The following BARD1 variants were observed in gnomAD, a reference collection of about 807,000 sequenced individuals.
BARD1 encodes the protein BRCA1 associated RING domain 1.
BARD1 carries 73 observed loss-of-function variants against 77.0 expected under a neutral mutation model. The observed-to-expected ratio is 0.95, with a 90% confidence interval of 0.79 to 1.15. The LOEUF (loss-of-function observed/expected upper bound fraction) is 1.15. BARD1 is among the 50% of genes most tolerant of loss of function. BARD1 has a pLI of 0.00. For missense variants in BARD1, 993 were observed against 938.8 expected (o/e 1.06, Z -0.75); for synonymous variants, 384 against 338.0 (o/e 1.14, Z -1.49).
At chr2:214,762,597 T>G (rs1694013849) in intron 6 of BARD1, among the ~76,000 whole-genome samples, 1 of 152,176 alleles carries the variant, frequency 6.6e-6, no homozygotes, top group Non-Finnish European at 1.5e-5. Flanking sequence ...CAAATCACTC[T>G]AACTTTTAAA....
At position 214,775,434 on chromosome 2, in the gene BARD1, A is replaced by T. The variant is rs143444060; in HGVS notation, c.1314+5126T>A. On this transcript the variant is annotated intron_variant, in intron 4 of 10. Coordinates refer to ENST00000260947, the MANE Select transcript of BARD1 (RefSeq NM_000465.4). Reference sequence around the variant, plus strand: ...AAGACATTTATCAATTAAGTTTGCCATGTTACATGGCCAGGGTTTGTGGTG... The same window carrying T: ...AAGACATTTATCAATTAAGTTTGCCTTGTTACATGGCCAGGGTTTGTGGTG... Among the ~76,000 whole-genome samples, 10 of 152,320 alleles carry T rather than the reference A, an allele frequency of 6.6e-5. No homozygotes were observed. The East Asian group carries it at 1.7e-3, about 26-fold the overall frequency.
intron 6 of BARD1, among the ~76,000 whole-genome samples, chr2:214,755,490 T>G (rs926368364): frequency 6.6e-6 from 1 of 152,190 alleles, no homozygotes; most frequent in African/African-American, 2.4e-5. Context: ...ATAATCCTAC[T>G]GAGGATAAAC....
At chr2:214,770,843 T>C (rs1694450438) in intron 4 of BARD1, among the ~76,000 whole-genome samples, 1 of 152,202 alleles carries the variant, frequency 6.6e-6, no homozygotes, top group Non-Finnish European at 1.5e-5. Flanking sequence ...CTTTTTTATT[T>C]TCCTAGAAGT....
chr2:214,773,274 T>C (rs1694592444), intron 4 of BARD1, among the ~76,000 whole-genome samples: 2 of 152,154 alleles, frequency 1.3e-5, no homozygotes, highest in African/African-American at 4.8e-5. Context: ...ATACAGAACG[T>C]TACAATTAAG....
intron 6 of BARD1, among the ~76,000 whole-genome samples, chr2:214,759,069 G>T (rs1693829234): frequency 6.6e-6 from 1 of 152,122 alleles, no homozygotes; most frequent in African/African-American, 2.4e-5. Flanking sequence ...GCTTGCTATG[G>T]AGCAGGATAA....
Position 214,727,413 on chromosome 2 carries a change from T to A in BARD1, c.*1263A>T. ...AACCAAACTGGCAAGTCTCTCAGTGTCTCCTTCCCCAAGTCTTTAATTTTA... is the reference window on the plus strand; with the variant it reads ...AACCAAACTGGCAAGTCTCTCAGTGACTCCTTCCCCAAGTCTTTAATTTTA... On this transcript the variant is annotated 3_prime_UTR_variant, in exon 11 of 11. Coordinates refer to ENST00000260947, the MANE Select transcript of BARD1 (RefSeq NM_000465.4). 4.3e-6 allele frequency: 1 copy of A among 232,122 alleles called. No homozygotes were observed. Among genetic ancestry groups the A allele is most frequent in the East Asian group, 6.1e-5 (1 of 16,384 alleles). 14.4% of individuals were successfully genotyped at this position (232,122 alleles called of 1,614,324 possible).
intron 2 of BARD1, chr2:214,796,713 G>GT: frequency 3.6e-6 from 1 of 277,348 alleles, no homozygotes; most frequent in Non-Finnish European, 6.9e-6. Flanking sequence ...TATAATAACT[G>GT]TAAGACCTAT....
At chr2:214,768,472 T>C (rs1694319810) in intron 5 of BARD1, among the ~76,000 whole-genome samples, 1 of 152,180 alleles carries the variant, frequency 6.6e-6, no homozygotes, top group Admixed American at 6.5e-5. Context: ...TTGAAAAGGT[T>C]AGCCAGCCAG....
At chr2:214,807,803 C>T (rs16852804) in intron 1 of BARD1, among the ~76,000 whole-genome samples, 11,519 of 152,238 alleles carry the variant, frequency 0.076, 515 homozygotes, top group African/African-American at 0.12. Context: ...GCATTCTGAC[C>T]ACAGTCTAAG....
rs1057523017 is a variant in BARD1, at chr2:214,792,279, G to A, written c.364+18C>T. On this transcript the variant is annotated intron_variant, in intron 3 of 10. Coordinates refer to ENST00000260947, the MANE Select transcript of BARD1 (RefSeq NM_000465.4). ...TTAACTGATGAATTTAACTAAGAGA[G>A]ATAGGGATAGTTCTTACCTGACAGC... is the stretch of plus-strand genomic sequence containing the variant. 1.2e-6 allele frequency: 2 copies of A among 1,611,778 alleles called. No individual in the cohort carries two copies. The highest frequency in any genetic ancestry group is 1.7e-4 in the Middle Eastern group (1 of 6,042).
chr2:214,801,846 T>TGGC (rs1553626665), intron 1 of BARD1, among the ~76,000 whole-genome samples: 24 of 14,536 alleles, frequency 1.7e-3, no homozygotes, highest in African/African-American at 3.4e-3. Flanking sequence ...ACCAAATATT[T>TGGC]GGCGGGGGGG....
intron 2 of BARD1, among the ~76,000 whole-genome samples, chr2:214,795,912 C>A (rs1024519735): frequency 2.6e-5 from 4 of 152,128 alleles, no homozygotes; most frequent in Non-Finnish European, 5.9e-5. Context: ...CTCCTACCCC[C>A]CATCCTCCTG....
intron 9 of BARD1, among the ~76,000 whole-genome samples, chr2:214,743,977 T>C (rs1692975505): frequency 6.6e-6 from 1 of 152,184 alleles, no homozygotes; most frequent in Non-Finnish European, 1.5e-5. Flanking sequence ...ATTCCTCCTC[T>C]GTAACCACTA....
chr2:214,779,363 T>G (rs1300265882), intron 4 of BARD1, among the ~76,000 whole-genome samples: 1 of 152,222 alleles, frequency 6.6e-6, no homozygotes, highest in Admixed American at 6.5e-5. Context: ...ATAAATGCTA[T>G]GTAGATAGTT....
chr2:214,803,846 C>T (rs1443876781), intron 1 of BARD1, among the ~76,000 whole-genome samples: 1 of 152,142 alleles, frequency 6.6e-6, no homozygotes, highest in African/African-American at 2.4e-5. Context: ...GGCAACCCAC[C>T]CCTTCAGATC....
intron 2 of BARD1, among the ~76,000 whole-genome samples, chr2:214,795,856 T>C (rs1278953327): frequency 2.6e-5 from 4 of 152,130 alleles, no homozygotes; most frequent in Non-Finnish European, 5.9e-5. Context: ...AAATGCCTTT[T>C]CTTTCATCAT....
chr2:214,807,215 TAA>T (rs577081009), intron 1 of BARD1, among the ~76,000 whole-genome samples: 9 of 145,812 alleles, frequency 6.2e-5, no homozygotes, highest in African/African-American at 1.3e-4. Context: ...AGGTTCGGAT[TAA>T]AAAAAAAAAA....
At chr2:214,752,249 G>C (rs935499301) in intron 7 of BARD1, among the ~76,000 whole-genome samples, 198 bp downstream of exon 7, 2 of 152,130 alleles carry the variant, frequency 1.3e-5, no homozygotes, top group Non-Finnish European at 2.9e-5. Flanking sequence ...CTAAAATACA[G>C]AGTGGGCTCA....
intron 6 of BARD1, 93 bp downstream of exon 6, chr2:214,767,389 T>C: frequency 1.6e-6 from 2 of 1,225,072 alleles, no homozygotes; most frequent in Non-Finnish European, 2.3e-6. Context: ...AAGAAAGCCA[T>C]CAACTTGACT....
Sources: gnomAD v4.1 joint callset for allele counts (sites outside exome capture counted in the v4.1 genomes callset) on GRCh38, gnomAD v4.1.1 for gene constraint, MANE v1.5 for transcripts, NCBI Gene and HGNC (gene_info 2026-07-23, HGNC 2026-07-21) for gene names.